CTNNA3: variants seen among roughly 807,000 people sequenced by gnomAD.
CTNNA3 encodes catenin alpha 3.
A neutral mutation model predicts 95.7 loss-of-function variants in CTNNA3; 76 were observed. The observed-to-expected ratio is 0.79, with a 90% CI of 0.66 to 0.96. The LOEUF (loss-of-function observed/expected upper bound fraction) is 0.96, where lower values mean the gene tolerates loss of function less well. Ranked by LOEUF, CTNNA3 falls within the 40% of genes least tolerant of loss-of-function variation. The pLI is 0.00. For synonymous variants in CTNNA3, 431 were observed against 374.4 expected, an observed-to-expected ratio of 1.15 and a Z score of -1.74; for missense variants, 1,191 against 1,089.8, an observed-to-expected ratio of 1.09 and a Z score of -1.31.
intron 15 of CTNNA3, among the ~76,000 whole-genome samples, chr10:66,023,862 G>GA (rs1031695946): frequency 4.0e-5 from 6 of 151,660 alleles, no homozygotes; most frequent in Non-Finnish European, 5.9e-5. Context: ...TCTCCTTTTA[G>GA]AAAAAAAATT....
intron 13 of CTNNA3, among the ~76,000 whole-genome samples, chr10:66,193,038 T>C (rs2086763522): frequency 6.6e-6 from 1 of 152,144 alleles, no homozygotes; most frequent in South Asian, 2.1e-4. Context: ...GAAAAGTATT[T>C]ACTTAGAAAA....
intron 11 of CTNNA3, among the ~76,000 whole-genome samples, chr10:66,442,380 C>G (rs969536250): frequency 6.6e-6 from 1 of 151,958 alleles, no homozygotes; most frequent in Non-Finnish European, 1.5e-5. Flanking sequence ...TCTTCAAAAG[C>G]TCTTGACCTC....
chr10:66,447,189 T>C (rs2093429053), intron 11 of CTNNA3, among the ~76,000 whole-genome samples: 1 of 152,090 alleles, frequency 6.6e-6, no homozygotes, highest in Non-Finnish European at 1.5e-5. Flanking sequence ...TACAAACAAA[T>C]GGAAGAATAT....
rs141793284 is a variant in CTNNA3, at chr10:66,276,188, C to G, written c.1884+4282G>C. On this transcript the variant is annotated intron_variant, in intron 13 of 17. Transcript: ENST00000433211. ...AGTTAGAAAACTGACACAGAAAATGCAAACTTGAGTTATGGACCTGAAAAT... is the reference window on the plus strand; with the variant it reads ...AGTTAGAAAACTGACACAGAAAATGGAAACTTGAGTTATGGACCTGAAAAT... Among the ~76,000 whole-genome samples the G allele has an allele frequency of 7.1e-4, 107 of 151,452 alleles. 2 individuals are homozygous for G. In the East Asian group the frequency reaches 0.02, roughly 28 times the overall value.
chr10:67,745,685 C>G (rs1467488120), intron 1 of CTNNA3, among the ~76,000 whole-genome samples: 4 of 151,784 alleles, frequency 2.6e-5, no homozygotes, highest in South Asian at 2.1e-4. Context: ...AAAAAAGACT[C>G]CATGAAAAAA....
intron 1 of CTNNA3, among the ~76,000 whole-genome samples, chr10:67,721,750 G>A (rs962729781): frequency 6.6e-6 from 1 of 152,102 alleles, no homozygotes; most frequent in African/African-American, 2.4e-5. Context: ...TCTGGTTTTT[G>A]GAATTTTCAG....
intron 5 of CTNNA3, among the ~76,000 whole-genome samples, chr10:67,233,101 A>G (rs554498080): frequency 1.3e-5 from 2 of 152,336 alleles, no homozygotes; most frequent in East Asian, 1.9e-4. Context: ...AGACAGATCA[A>G]TGAGACAGAA....
At chr10:67,322,708 G>T (rs1451866381) in intron 5 of CTNNA3, among the ~76,000 whole-genome samples, 5 of 152,142 alleles carry the variant, frequency 3.3e-5, no homozygotes, top group African/African-American at 1.2e-4. Context: ...CTTTATAATA[G>T]AATAATTTAT....
At chr10:66,041,168 T>C (rs753720043) in intron 15 of CTNNA3, among the ~76,000 whole-genome samples, 1 of 152,100 alleles carries the variant, frequency 6.6e-6, no homozygotes, top group African/African-American at 2.4e-5. Flanking sequence ...AATCCAATAA[T>C]GAGAAAACAT....
intron 10 of CTNNA3, among the ~76,000 whole-genome samples, chr10:66,604,494 T>C (rs1844046532): frequency 6.6e-6 from 1 of 152,228 alleles, no homozygotes; most frequent in South Asian, 2.1e-4. Context: ...CATACGCGGA[T>C]GAAGACAGAT....
At chr10:66,926,036 A>G in intron 7 of CTNNA3, 1 of 456,940 alleles carries the variant, frequency 2.2e-6, no homozygotes, top group Non-Finnish European at 4.4e-6. Context: ...AAACCAAAGC[A>G]ACAGTCCGAG....
intron 15 of CTNNA3, among the ~76,000 whole-genome samples, chr10:66,035,364 A>G (rs2133471611): frequency 6.6e-6 from 1 of 152,260 alleles, no homozygotes; most frequent in African/African-American, 2.4e-5. Flanking sequence ...GTATTTTGGC[A>G]GCCTAAGAAT....
intron 12 of CTNNA3, among the ~76,000 whole-genome samples, chr10:66,340,884 C>T (rs909379040): frequency 2.0e-5 from 3 of 151,556 alleles, no homozygotes; most frequent in Non-Finnish European, 3.0e-5. Flanking sequence ...TCTGCAGACT[C>T]GATATATAGT....
intron 7 of CTNNA3, among the ~76,000 whole-genome samples, chr10:66,895,532 C>A (rs981119871): frequency 1.3e-5 from 2 of 152,006 alleles, no homozygotes; most frequent in African/African-American, 4.8e-5. Flanking sequence ...CAGCTTCTTT[C>A]TTTCTTTTAT....
intron 11 of CTNNA3, among the ~76,000 whole-genome samples, chr10:66,424,763 CA>C (rs1336841028): frequency 1.3e-5 from 2 of 152,058 alleles, no homozygotes; most frequent in African/African-American, 4.8e-5. Context: ...CTGTTTGCTA[CA>C]GGGGTATTAA....
intron 1 of CTNNA3, among the ~76,000 whole-genome samples, chr10:67,722,723 T>A (rs1189757232): frequency 6.6e-6 from 1 of 152,190 alleles, no homozygotes; most frequent in Non-Finnish European, 1.5e-5. Context: ...GTGTTTTATA[T>A]CAACTCTTAT....
Position 65,913,362 on chromosome 10 carries a change from T to A in CTNNA3, c.*6968A>T, listed in dbSNP as rs1398137007. 2 of 152,164 alleles carry A rather than the reference T, an allele frequency of 1.3e-5. No individual in the cohort carries two copies. The highest frequency in any genetic ancestry group is 4.8e-5 in the African/African-American group (2 of 41,448). 9.4% of individuals were successfully genotyped at this position (152,164 alleles called of 1,614,324 possible). On this transcript the variant is annotated 3_prime_UTR_variant, in exon 18 of 18. Transcript: ENST00000433211. Reference sequence around the variant, plus strand: ...TTTGTTTTAAGCCTCAATTATTAGGTACTAAATTGGGCATAAAATATGTCT... The same window carrying A: ...TTTGTTTTAAGCCTCAATTATTAGGAACTAAATTGGGCATAAAATATGTCT...
intron 2 of CTNNA3, among the ~76,000 whole-genome samples, chr10:67,630,631 C>T (rs1589509574): frequency 6.6e-6 from 1 of 152,150 alleles, no homozygotes; most frequent in East Asian, 1.9e-4. Context: ...CCCAAGGGGA[C>T]AGGTGGGAGA....
rs565979586 is a variant in CTNNA3 at position 66,187,403 on chromosome 10, G to A, written c.1885-84154C>T. Among the ~76,000 whole-genome samples the A allele has an allele frequency of 1.7e-4, 26 of 150,192 alleles. No individual in the cohort carries two copies. In the East Asian group the frequency reaches 4.7e-3, roughly 27 times the overall value. On this transcript the variant is annotated intron_variant, in intron 13 of 17. Transcript: ENST00000433211. ...TAGAAAAGTTCTGTGATAATCCTGG[G>A]AATCTAGAATGCCACACTTAACGCT...
Sources: allele counts gnomAD v4.1 joint callset (sites outside exome capture counted in the v4.1 genomes callset), GRCh38; gene constraint gnomAD v4.1.1; transcripts MANE v1.5; gene names NCBI Gene and HGNC (gene_info 2026-07-23, HGNC 2026-07-21).